WASF3: variants seen among roughly 807,000 people sequenced by gnomAD.
The protein encoded by WASF3 is actin-binding protein WASF3.
A neutral mutation model predicts 46.6 loss-of-function variants in WASF3; 11 were observed. The ratio of observed to expected loss-of-function variants is 0.24; its 90% CI spans 0.15 to 0.39. The LOEUF is 0.39. Ranked by LOEUF, WASF3 falls within the 10% of genes least tolerant of loss-of-function variation. The probability of loss-of-function intolerance (pLI) is 1.00; values close to 1 mark genes in which losing one functional copy is unlikely to be tolerated. For synonymous variants in WASF3, 242 were observed against 259.7 expected (o/e 0.93, Z 0.65); for missense variants, 576 against 669.8 (o/e 0.86, Z 1.55).
chr13:26,643,356 A>G (rs1160216209), intron 3 of WASF3, among the ~76,000 whole-genome samples: 1 of 152,084 alleles, frequency 6.6e-6, no homozygotes, highest in East Asian at 1.9e-4. Flanking sequence ...TTTTTAACTC[A>G]ACTACTTTTA....
At chr13:26,638,439 G>A (rs1200030038) in intron 2 of WASF3, 1 of 152,136 alleles carries the variant, frequency 6.6e-6, no homozygotes, top group African/African-American at 2.4e-5. Flanking sequence ...ACCTCTAATA[G>A]TCCTAAACAT....
intron 2 of WASF3, among the ~76,000 whole-genome samples, chr13:26,630,795 A>G (rs931314978): frequency 6.6e-6 from 1 of 152,168 alleles, no homozygotes; most frequent in African/African-American, 2.4e-5. Context: ...AAGCATTGCT[A>G]TTTCTCCACA....
intron 1 of WASF3, among the ~76,000 whole-genome samples, chr13:26,559,804 C>CTTTTTTTTTTTTTTTTTTTTTTTT (rs772509989): frequency 9.9e-5 from 5 of 50,664 alleles, no homozygotes; most frequent in African/African-American, 1.6e-4. Flanking sequence ...TTCTTTCTTT[C>CTTTTTTTTTTTTTTTTTTTTTTTT]TTTCTTTTTT....
chr13:26,671,864 A>G lies in WASF3; in HGVS notation c.423-8A>G, dbSNP rs1882933783. 1 of 1,558,282 alleles carries G rather than the reference A, an allele frequency of 6.4e-7. No homozygotes were observed. Among genetic ancestry groups the G allele is most frequent in the South Asian group, 1.2e-5 (1 of 84,440 alleles). Reference sequence around the variant, plus strand: ...TTCTTCCCTGACTTACAATACATTGATTTGTAGAGATGACAAGAAGGATGG... The same window carrying G: ...TTCTTCCCTGACTTACAATACATTGGTTTGTAGAGATGACAAGAAGGATGG... On this transcript the variant is annotated splice_region_variant and splice_polypyrimidine_tract_variant and intron_variant, in intron 5 of 9. Coordinates refer to ENST00000335327, the MANE Select transcript of WASF3 (RefSeq NM_006646.6).
In WASF3 at chr13:26,663,301, T is replaced by C. The variant is rs375183872; in HGVS notation, c.134-1727T>C. The stretch of plus-strand genomic sequence containing the variant: ...AACATGGAGATGTTCAGTAGCTAGT[T>C]AGATAACAAGTCTGGAGCTCAGGAA... On this transcript the variant is annotated intron_variant, in intron 3 of 9. Transcript: ENST00000335327. Among the ~76,000 whole-genome samples the C allele has an allele frequency of 3.6e-5, 5 of 139,776 alleles. No individual in the cohort carries two copies. In the East Asian group the frequency reaches 9.6e-4, roughly 27 times the overall value. The allele number at this position is 139,776 out of a possible 152,430, so 91.7% of individuals were successfully genotyped here.
chr13:26,562,857 T>TCCTCCCCTCCCCTGC (rs1481955412), intron 1 of WASF3, among the ~76,000 whole-genome samples: 1 of 96,702 alleles, frequency 1.0e-5, no homozygotes, highest in Non-Finnish European at 2.0e-5. Context: ...CCCTCCCCTC[T>TCCTCCCCTCCCCTGC]CCTCCCCTCC....
chr13:26,561,697 C>T (rs1879300738), intron 1 of WASF3, among the ~76,000 whole-genome samples: 1 of 152,210 alleles, frequency 6.6e-6, no homozygotes, highest in South Asian at 2.1e-4. Flanking sequence ...ATAGTTCCGT[C>T]TCTTCAAGCC....
At chr13:26,572,967 C>T (rs944799085) in intron 1 of WASF3, among the ~76,000 whole-genome samples, 9 of 152,108 alleles carry the variant, frequency 5.9e-5, no homozygotes, top group Admixed American at 5.9e-4. Flanking sequence ...TGATCACAGT[C>T]AGGTTCAGTT....
the WASF3 span, among the ~76,000 whole-genome samples, chr13:26,548,955 T>C: frequency 6.3e-3 from 961 of 151,884 alleles, 15 homozygotes; most frequent in African/African-American, 0.022. Flanking sequence ...CCCCTAGATC[T>C]CACTACATTT....
chr13:26,661,023 C>T (rs542699398), intron 3 of WASF3, among the ~76,000 whole-genome samples: 46 of 152,282 alleles, frequency 3.0e-4, no homozygotes, highest in African/African-American at 1.1e-3. Context: ...ACAGGAACTA[C>T]TAGAGCAAAA....
chr13:26,540,709 T>G, the WASF3 span, among the ~76,000 whole-genome samples: 1 of 152,208 alleles, frequency 6.6e-6, no homozygotes, highest in African/African-American at 2.4e-5. Context: ...GCTTCATCTG[T>G]GTTTGGCCAA....
At chr13:26,681,529 G>T (rs1202647860) in intron 8 of WASF3, among the ~76,000 whole-genome samples, 1 of 152,194 alleles carries the variant, frequency 6.6e-6, no homozygotes, top group South Asian at 2.1e-4. Flanking sequence ...AGGCCACACT[G>T]TGCATGCATG....
chr13:26,578,993 C>CTTTTGTTTTTTTTTTTTTTTTTT (rs1879887699), intron 1 of WASF3, among the ~76,000 whole-genome samples: 1 of 60,638 alleles, frequency 1.6e-5, no homozygotes, highest in Non-Finnish European at 2.8e-5. Flanking sequence ...GATACATTTC[C>CTTTTGTTTTTTTTTTTTTTTTTT]TTTTTTTTTT....
intron 3 of WASF3, among the ~76,000 whole-genome samples, chr13:26,646,895 C>T (rs935080429): frequency 1.3e-5 from 2 of 152,216 alleles, no homozygotes; most frequent in Non-Finnish European, 1.5e-5. Flanking sequence ...CTTATGGAGA[C>T]AGTTCAGGGT....
chr13:26,550,700 T>A, the WASF3 span, among the ~76,000 whole-genome samples: 1 of 152,254 alleles, frequency 6.6e-6, no homozygotes, highest in Middle Eastern at 3.4e-3. Flanking sequence ...TATCTTGCTG[T>A]AACACATTCA....
the WASF3 span, among the ~76,000 whole-genome samples, chr13:26,541,489 G>A: frequency 5.9e-5 from 9 of 152,268 alleles, no homozygotes; most frequent in African/African-American, 2.2e-4. Flanking sequence ...CATGTAACAA[G>A]CACTTAAGTG....
chr13:26,592,829 T>C (rs1036606814), intron 1 of WASF3, among the ~76,000 whole-genome samples: 1 of 152,186 alleles, frequency 6.6e-6, no homozygotes, highest in Non-Finnish European at 1.5e-5. Context: ...ATAAATGTCA[T>C]TGAGCTGTGT....
At chr13:26,595,793 G>C (rs1246851557) in intron 1 of WASF3, among the ~76,000 whole-genome samples, 1 of 152,144 alleles carries the variant, frequency 6.6e-6, no homozygotes, top group Non-Finnish European at 1.5e-5. Context: ...AAATGTCTTT[G>C]AGGTCTGTCC....
rs369737702 is a variant in WASF3, at chr13:26,652,857, A to T, written c.133+10454A>T. On this transcript the variant is annotated intron_variant, in intron 3 of 9. Coordinates refer to ENST00000335327, the MANE Select transcript of WASF3 (RefSeq NM_006646.6). ...TGTATAGAGAAAAATTTGTAGCTTTAAATGTTATGTTAGAAAAGAAGAAAG... is the reference window on the plus strand; with the variant it reads ...TGTATAGAGAAAAATTTGTAGCTTTTAATGTTATGTTAGAAAAGAAGAAAG... 9.2e-5 allele frequency among the ~76,000 whole-genome samples: 14 copies of T among 152,226 alleles called. No homozygotes were observed. In the East Asian group the frequency reaches 1.7e-3, roughly 19 times the overall value.
Sources: allele counts gnomAD v4.1 joint callset (sites outside exome capture counted in the v4.1 genomes callset), GRCh38; gene constraint gnomAD v4.1.1; transcripts MANE v1.5; gene names NCBI Gene and HGNC (gene_info 2026-07-23, HGNC 2026-07-21).